The following CFAP92 variants were observed in gnomAD, a reference collection of about 807,000 sequenced individuals.
CFAP92 encodes the protein cilia and flagella associated protein 92 (putative), also known as uncharacterized protein CFAP92.
CFAP92 carries 86 observed loss-of-function variants against 106.3 expected under a neutral mutation model. The ratio of observed to expected loss-of-function variants is 0.81; its 90% CI spans 0.68 to 0.97. The LOEUF is 0.97. CFAP92 is among the 50% of genes least tolerant of loss of function. CFAP92 has a pLI of 0.00. For synonymous variants in CFAP92, 477 were observed against 506.4 expected, an observed-to-expected ratio of 0.94 and a Z score of 0.78; for missense variants, 1,204 against 1,283.8, an observed-to-expected ratio of 0.94 and a Z score of 0.95.
At chr3:128,924,606 G>A (rs943690759) in intron 12 of CFAP92, among the ~76,000 whole-genome samples, 1 of 133,668 alleles carries the variant, frequency 7.5e-6, no homozygotes, top group South Asian at 2.3e-4. Flanking sequence ...CACCACGTCC[G>A]GCTCATTTTG....
intron 12 of CFAP92, among the ~76,000 whole-genome samples, chr3:128,924,011 T>C (rs1484352423): frequency 6.6e-6 from 1 of 152,224 alleles, no homozygotes; most frequent in Non-Finnish European, 1.5e-5. Context: ...TATGTGTTTG[T>C]GCTGTCTCCT....
At position 128,914,904 on chromosome 3, in the gene CFAP92, ACAAATGT is replaced by A. The variant is rs1034214648; in HGVS notation, c.3280+208_3280+214del. 1.3e-4 allele frequency: 74 copies of A among 564,978 alleles called. 1 individual carries two copies. The highest frequency in any genetic ancestry group is 1.3e-3 in the African/African-American group (68 of 53,544). 35.0% of individuals were successfully genotyped at this position (564,978 alleles called of 1,614,324 possible). A position where few individuals can be genotyped will look rare whatever the true frequency, so the allele number is the denominator to read the frequency against. On this transcript the variant is annotated intron_variant, in intron 15 of 15. Coordinates refer to ENST00000645291, the MANE Select transcript of CFAP92 (RefSeq NM_001394090.1). ...CATGAAGGGATTTGCCTCAAGTCAC[ACAAATGT>A]CACACTTGGGGCTAGAATCCTGGTC...
intron 2 of CFAP92, chr3:128,991,766 C>A: frequency 1.0e-6 from 1 of 1,003,940 alleles, no homozygotes. Context: ...TCTCGGGGTT[C>A]CAACCCATAC....
chr3:128,996,975 C>A (rs1426896054), upstream of CFAP92, among the ~76,000 whole-genome samples: 1 of 152,238 alleles, frequency 6.6e-6, no homozygotes, highest in South Asian at 2.1e-4. Flanking sequence ...GAAGAAGTTG[C>A]AAGGCCTCTT....
At chr3:128,961,678 G>A (rs949257953) in intron 9 of CFAP92, among the ~76,000 whole-genome samples, 1 of 152,162 alleles carries the variant, frequency 6.6e-6, no homozygotes, top group Non-Finnish European at 1.5e-5. Flanking sequence ...GCAACCCTGA[G>A]ACGCTTTACA....
the CFAP92 span, among the ~76,000 whole-genome samples, chr3:129,010,904 G>T: frequency 6.6e-6 from 1 of 152,168 alleles, no homozygotes; most frequent in Non-Finnish European, 1.5e-5. This position sits in a 1 kb window ranked among gnomAD's most constrained non-coding sequence, Gnocchi z 4.3. Flanking sequence ...GTGGGTGGGG[G>T]CCTAGGCTCA....
chr3:128,956,215 T>TAAAAAAAAA (rs545191144), intron 9 of CFAP92, among the ~76,000 whole-genome samples: 1 of 68,758 alleles, frequency 1.5e-5, no homozygotes, highest in Admixed American at 1.3e-4. Flanking sequence ...AATAAAAAAA[T>TAAAAAAAAA]AAAAAAAAAA....
intron 8 of CFAP92, among the ~76,000 whole-genome samples, 168 bp from the exon 9 acceptor site, chr3:128,965,863 G>C (rs1942327833): frequency 6.6e-6 from 1 of 151,920 alleles, no homozygotes; most frequent in South Asian, 2.1e-4. Flanking sequence ...CCCACAGGCA[G>C]CATGACCTGT....
intron 10 of CFAP92, among the ~76,000 whole-genome samples, chr3:128,939,420 G>A (rs137864745): frequency 0.029 from 4,372 of 152,272 alleles, 107 homozygotes; most frequent in South Asian, 0.11. Context: ...TTACAGGCGT[G>A]AGCCACTGTG....
the CFAP92 span, among the ~76,000 whole-genome samples, chr3:129,020,115 C>T: frequency 1.1e-4 from 17 of 151,958 alleles, no homozygotes; most frequent in Non-Finnish European, 1.6e-4. Context: ...CCATATTGGA[C>T]GATGCAGGCC....
chr3:128,927,127 C>T (rs1012885169), intron 12 of CFAP92, among the ~76,000 whole-genome samples: 2 of 151,996 alleles, frequency 1.3e-5, no homozygotes, highest in African/African-American at 4.8e-5. Context: ...TAGAGACTCT[C>T]TCCATTCACA....
At chr3:129,015,607 C>T in the CFAP92 span, among the ~76,000 whole-genome samples, 6 of 152,078 alleles carry the variant, frequency 3.9e-5, no homozygotes, top group Non-Finnish European at 5.9e-5. Flanking sequence ...GCTGAGTGTC[C>T]GTGTCTGCTC....
chr3:128,965,342 C>A (rs565541209), intron 9 of CFAP92, among the ~76,000 whole-genome samples, 169 bp downstream of exon 9: 16 of 152,150 alleles, frequency 1.1e-4, no homozygotes, highest in African/African-American at 3.9e-4. Context: ...GTGAAATAAA[C>A]AGCCATGTTG....
chr3:129,001,721 G>A, intron 1 of CFAP92: 3 of 1,519,122 alleles, frequency 2.0e-6, no homozygotes, highest in Non-Finnish European at 2.6e-6. Context: ...AGTGGCTGCT[G>A]AGCGCCCTGG....
At chr3:128,990,698 C>T (rs1944158377) in intron 2 of CFAP92, among the ~76,000 whole-genome samples, 1 of 151,844 alleles carries the variant, frequency 6.6e-6, no homozygotes, top group African/African-American at 2.4e-5. Context: ...GAGTTCAAGA[C>T]CGGCCTGACC....
At chr3:128,969,584 AAGAG>A (rs199712271) in intron 8 of CFAP92, 1 of 152,010 alleles carries the variant, frequency 6.6e-6, no homozygotes, top group African/African-American at 2.4e-5. Flanking sequence ...AAAAAAAAAA[AAGAG>A]AGAGGGGACC....
chr3:128,922,943 C>G (rs1937415504), intron 12 of CFAP92, among the ~76,000 whole-genome samples: 1 of 152,168 alleles, frequency 6.6e-6, no homozygotes, highest in Admixed American at 6.6e-5. Context: ...TCGATTTGCT[C>G]TCTGTGCCTT....
At chr3:128,946,255 T>C (rs1940205599) in intron 9 of CFAP92, among the ~76,000 whole-genome samples, 1 of 152,230 alleles carries the variant, frequency 6.6e-6, no homozygotes, top group African/African-American at 2.4e-5. Flanking sequence ...GCCATGAAGA[T>C]AGGCCATGTG....
chr3:128,925,444 C>T (rs958705311), intron 12 of CFAP92, among the ~76,000 whole-genome samples: 3 of 152,110 alleles, frequency 2.0e-5, no homozygotes, highest in Non-Finnish European at 4.4e-5. Flanking sequence ...GTTCCATAGC[C>T]TGGGGGTTGG....
Sources: gnomAD v4.1 joint callset for allele counts (sites outside exome capture counted in the v4.1 genomes callset) on GRCh38, gnomAD v4.1.1 for gene constraint, Gnocchi (gnomAD v3.1) non-coding constraint, MANE v1.5 for transcripts, NCBI Gene and HGNC (gene_info 2026-07-23, HGNC 2026-07-21) for gene names.